The following NKAIN2 variants were observed in gnomAD, a reference collection of about 807,000 sequenced individuals.
NKAIN2 encodes the protein sodium/potassium-transporting ATPase subunit beta-1-interacting protein 2.
A neutral mutation model predicts 32.6 loss-of-function variants in NKAIN2; 14 were observed. That is an observed-to-expected ratio of 0.43 (90% CI 0.28 to 0.67). The LOEUF (loss-of-function observed/expected upper bound fraction) is 0.67. Ranked by LOEUF, NKAIN2 falls within the 30% of genes least tolerant of loss-of-function variation. The pLI, the probability that NKAIN2 is intolerant of heterozygous loss-of-function variation, is 0.17. For missense variants in NKAIN2, 198 were observed against 258.3 expected (o/e 0.77, Z 1.60); for synonymous variants, 80 against 87.2 (o/e 0.92, Z 0.46).
intron 1 of NKAIN2, among the ~76,000 whole-genome samples, chr6:123,864,676 A>C (rs1194966838): frequency 6.6e-6 from 1 of 152,190 alleles, no homozygotes; most frequent in African/African-American, 2.4e-5. Flanking sequence ...TTTTGGGCAG[A>C]GGGAACAATA....
At chr6:124,190,532 G>A (rs1789963741) in intron 1 of NKAIN2, among the ~76,000 whole-genome samples, 1 of 152,146 alleles carries the variant, frequency 6.6e-6, no homozygotes, top group African/African-American at 2.4e-5. Context: ...GGAAGGATGT[G>A]TTCTTTTACA....
intron 1 of NKAIN2, among the ~76,000 whole-genome samples, chr6:124,071,006 A>G (rs1420228638): frequency 6.6e-6 from 1 of 152,224 alleles, no homozygotes; most frequent in African/African-American, 2.4e-5. Context: ...CACAGCCAGA[A>G]TAGAGGTTAT....
chr6:124,432,563 G>A (rs1227074751), intron 3 of NKAIN2, among the ~76,000 whole-genome samples: 1 of 152,080 alleles, frequency 6.6e-6, no homozygotes, highest in Non-Finnish European at 1.5e-5. Flanking sequence ...AACCGTGATT[G>A]TGTCACTGCA....
intron 1 of NKAIN2, among the ~76,000 whole-genome samples, chr6:123,864,696 C>T (rs968567057): frequency 9.2e-5 from 14 of 151,964 alleles, no homozygotes; most frequent in African/African-American, 3.1e-4. Flanking sequence ...AAATGCAAAG[C>T]CCTGAGGTAG....
chr6:124,372,975 A>G (rs1054259385), intron 3 of NKAIN2, among the ~76,000 whole-genome samples: 10 of 152,176 alleles, frequency 6.6e-5, no homozygotes, highest in Admixed American at 5.9e-4. Context: ...CATAAGTATG[A>G]TATGATTCAA....
intron 5 of NKAIN2, among the ~76,000 whole-genome samples, chr6:124,814,899 T>C (rs1467172600): frequency 6.6e-6 from 1 of 152,128 alleles, no homozygotes; most frequent in Non-Finnish European, 1.5e-5. Flanking sequence ...TAATTAAATA[T>C]TTCAAAACAA....
intron 1 of NKAIN2, among the ~76,000 whole-genome samples, chr6:124,248,535 T>C (rs753341815): frequency 2.0e-5 from 3 of 152,126 alleles, no homozygotes; most frequent in Non-Finnish European, 2.9e-5. Context: ...GCTCTCTTAA[T>C]TTATGTCTTT....
At chr6:124,002,632 A>G (rs149445087) in intron 1 of NKAIN2, among the ~76,000 whole-genome samples, 65 of 152,248 alleles carry the variant, frequency 4.3e-4, no homozygotes, top group African/African-American at 1.5e-3. Context: ...GGTAGTTGGA[A>G]ACCTGGCCTG....
chr6:124,723,748 A>C (rs1776139993), intron 4 of NKAIN2, among the ~76,000 whole-genome samples: 1 of 152,250 alleles, frequency 6.6e-6, no homozygotes, highest in Middle Eastern at 3.2e-3. Context: ...AAGAAGCTTT[A>C]GCTTATGCCA....
At chr6:124,012,585 C>T (rs896712548) in intron 1 of NKAIN2, among the ~76,000 whole-genome samples, 50 of 152,156 alleles carry the variant, frequency 3.3e-4, no homozygotes, top group African/African-American at 1.1e-3. Context: ...CCGCCCACCT[C>T]GGCCTCCCAA....
intron 1 of NKAIN2, among the ~76,000 whole-genome samples, chr6:124,256,350 T>C (rs1793929765): frequency 6.6e-6 from 1 of 152,194 alleles, no homozygotes; most frequent in Non-Finnish European, 1.5e-5. Context: ...GTGTAATTCA[T>C]AAACTTATTA....
intron 4 of NKAIN2, among the ~76,000 whole-genome samples, chr6:124,678,049 G>A (rs1463341184): frequency 6.6e-6 from 1 of 151,850 alleles, no homozygotes; most frequent in Admixed American, 6.6e-5. Flanking sequence ...ACTCCCTTCT[G>A]AGTTGCAAGA....
intron 1 of NKAIN2, among the ~76,000 whole-genome samples, chr6:123,951,457 A>G (rs1007872611): frequency 2.0e-5 from 3 of 151,988 alleles, no homozygotes; most frequent in African/African-American, 7.2e-5. Context: ...GGTGCATAAT[A>G]TTTAGAATCA....
chr6:124,600,688 C>T (rs1451356502), intron 3 of NKAIN2, among the ~76,000 whole-genome samples: 3 of 152,018 alleles, frequency 2.0e-5, no homozygotes, highest in African/African-American at 7.2e-5. Context: ...TTGATGGATT[C>T]TGTTTTATTT....
intron 1 of NKAIN2, among the ~76,000 whole-genome samples, chr6:124,200,262 T>C (rs1790532820): frequency 6.6e-6 from 1 of 152,142 alleles, no homozygotes; most frequent in African/African-American, 2.4e-5. Flanking sequence ...ATGTATAGTC[T>C]TTCCTTAAAC....
At chr6:124,505,383 A>C (rs1778436967) in intron 3 of NKAIN2, among the ~76,000 whole-genome samples, 1 of 152,208 alleles carries the variant, frequency 6.6e-6, no homozygotes, top group African/African-American at 2.4e-5. Context: ...ACTGTATTTA[A>C]ATGAAGCTAT....
intron 1 of NKAIN2, among the ~76,000 whole-genome samples, chr6:124,038,763 A>G (rs1781725031): frequency 6.6e-6 from 1 of 152,130 alleles, no homozygotes; most frequent in Non-Finnish European, 1.5e-5. Context: ...AATGAAATAT[A>G]CCCAAGAAGT....
At chr6:124,289,695 C>T (rs1028572) in intron 2 of NKAIN2, among the ~76,000 whole-genome samples, 44,856 of 151,988 alleles carry the variant, frequency 0.3, 9,174 homozygotes, top group African/African-American at 0.58. Context: ...TCACCAACAA[C>T]AATAAATCAG....
intron 1 of NKAIN2, among the ~76,000 whole-genome samples, chr6:123,852,856 G>C (rs1224526212): frequency 6.6e-6 from 1 of 152,138 alleles, no homozygotes; most frequent in Non-Finnish European, 1.5e-5. Context: ...CCAAAAAGAG[G>C]TGTTGTTGTG....
Sources: allele counts gnomAD v4.1 joint callset (sites outside exome capture counted in the v4.1 genomes callset), GRCh38; gene constraint gnomAD v4.1.1; transcripts MANE v1.5; gene names NCBI Gene and HGNC (gene_info 2026-07-23, HGNC 2026-07-21).